Variants in IL34 observed in about 807,000 individuals in gnomAD.
IL34 encodes the protein interleukin 34, also known as interleukin-34.
IL34 carries 17 observed loss-of-function variants against 25.3 expected under a neutral mutation model. That is an observed-to-expected ratio of 0.67 (90% CI 0.46 to 1.01). The LOEUF (loss-of-function observed/expected upper bound fraction) is 1.01. Ranked by LOEUF, IL34 falls within the 50% of genes least tolerant of loss-of-function variation. IL34 has a pLI of 0.00. For missense variants in IL34, 368 were observed against 312.9 expected (o/e 1.18, Z -1.33); for synonymous variants, 174 against 140.9 (o/e 1.23, Z -1.66).
At chr16:70,625,291 G>A (rs1389990396) in intron 1 of IL34, among the ~76,000 whole-genome samples, 3 of 151,970 alleles carry the variant, frequency 2.0e-5, no homozygotes, top group South Asian at 4.1e-4. Context: ...GAGATATGGA[G>A]GGAAGGGGTT....
rs375342666 is a variant in IL34 at position 70,590,143 on chromosome 16, T to C, written c.-401+10094T>C. 1.1e-3 allele frequency among the ~76,000 whole-genome samples: 161 copies of C among 152,280 alleles called. 1 individual carries two copies. Among genetic ancestry groups the C allele is most frequent in the African/African-American group, 3.4e-3 (142 of 41,568 alleles). On this transcript the variant is annotated intron_variant, in intron 1 of 6. Transcript: ENST00000429149. ...AGTCATTACTCCATTCAGCAGAAGC[T>C]GCTCACGGCGGGAGAGGGCTGGGGT...
At chr16:70,599,293 C>CTTTCA (rs113794220) in intron 1 of IL34, among the ~76,000 whole-genome samples, 1 of 132,702 alleles carries the variant, frequency 7.5e-6, no homozygotes, top group African/African-American at 3.0e-5. Context: ...TTCTTTCTTT[C>CTTTCA]TTCTTTCTTT....
chr16:70,611,507 G>A (rs2051091052), intron 1 of IL34, among the ~76,000 whole-genome samples: 2 of 152,114 alleles, frequency 1.3e-5, no homozygotes, highest in African/African-American at 4.8e-5. Flanking sequence ...ACAGCCTTCG[G>A]GCTGGGTGCA....
upstream of IL34, among the ~76,000 whole-genome samples, chr16:70,645,605 C>A (rs1275659822): frequency 2.0e-5 from 3 of 152,202 alleles, no homozygotes; most frequent in Non-Finnish European, 4.4e-5. Flanking sequence ...TTGGGAGCAG[C>A]CACCAGCCCA....
At chr16:70,589,968 C>T (rs983811504) in intron 1 of IL34, among the ~76,000 whole-genome samples, 2 of 152,192 alleles carry the variant, frequency 1.3e-5, no homozygotes, top group African/African-American at 4.8e-5. Flanking sequence ...AGATCCTTTA[C>T]AGGGTTCGTG....
intron 1 of IL34, among the ~76,000 whole-genome samples, chr16:70,599,012 C>T (rs1299523320): frequency 6.6e-6 from 1 of 152,164 alleles, no homozygotes; most frequent in Admixed American, 6.5e-5. Context: ...TTATCACTAA[C>T]CTTGTAAGAT....
chr16:70,638,574 A>G (rs1237856567), intron 1 of IL34, among the ~76,000 whole-genome samples: 1 of 151,990 alleles, frequency 6.6e-6, no homozygotes. Context: ...CAATATCTGC[A>G]TATGCTTTCC....
chr16:70,657,492 G>C (rs1171541060), intron 4 of IL34: 3 of 195,218 alleles, frequency 1.5e-5, no homozygotes, highest in Non-Finnish European at 3.1e-5. Context: ...GGAATGTTTA[G>C]GGCAGTAAAA....
intron 1 of IL34, among the ~76,000 whole-genome samples, chr16:70,612,704 C>G (rs1245765858): frequency 2.0e-5 from 3 of 152,186 alleles, no homozygotes; most frequent in Admixed American, 6.5e-5. Context: ...AAATCTGGAG[C>G]CTTTGGGGCT....
rs138405744 is a variant in IL34, at chr16:70,636,937, T to A, written c.-400-9611T>A. Reference sequence around the variant, plus strand: ...TTCTGTCGCCCAGGTTGGAGTACAGTGGCGTAATCTCGGCTCACTGCAAGT... The same window carrying A: ...TTCTGTCGCCCAGGTTGGAGTACAGAGGCGTAATCTCGGCTCACTGCAAGT... On this transcript the variant is annotated intron_variant, in intron 1 of 6. Transcript: ENST00000429149. Among the ~76,000 whole-genome samples the A allele has an allele frequency of 6.0e-3, 907 of 152,144 alleles. 8 individuals are homozygous for A. Among genetic ancestry groups the A allele is most frequent in the Middle Eastern group, 0.017 (5 of 294 alleles).
intron 1 of IL34, among the ~76,000 whole-genome samples, chr16:70,627,373 C>T (rs1327563388): frequency 1.6e-4 from 25 of 151,998 alleles, no homozygotes; most frequent in Admixed American, 1.6e-3. Context: ...AGAAGCCCCC[C>T]ACCAGATCCC....
rs534351643 is a variant in IL34 at position 70,617,483 on chromosome 16, G to A, written c.-400-29065G>A. Among the ~76,000 whole-genome samples the A allele has an allele frequency of 1.4e-3, 217 of 152,076 alleles. 4 individuals are homozygous for A. Among genetic ancestry groups the A allele is most frequent in the African/African-American group, 4.7e-3 (196 of 41,470 alleles). On this transcript the variant is annotated intron_variant, in intron 1 of 6. Coordinates refer to the IL34 transcript ENST00000429149. ...AGACAGAAGATAGTAGGGATGACAA[G>A]TTTTTTTGGGGCACAGTCTAAGTTG...
At chr16:70,637,597 G>C (rs964914549) in intron 1 of IL34, among the ~76,000 whole-genome samples, 1 of 151,964 alleles carries the variant, frequency 6.6e-6, no homozygotes, top group East Asian at 1.9e-4. Context: ...GCCCCCCCTC[G>C]ACCTCCCAAA....
chr16:70,646,597 T>A lies in IL34; in HGVS notation c.-351T>A, dbSNP rs1352960393. On this transcript the variant is annotated 5_prime_UTR_variant, in exon 1 of 6. Coordinates refer to ENST00000288098, the MANE Select transcript of IL34 (RefSeq NM_001393494.1). ...GCAGTCGGAGAAATCAGAGAAAGCG[T>A]CACCCAGCCCCAGATTCCGAGGGGC... is the stretch of plus-strand genomic sequence containing the variant. The A allele has an allele frequency of 3.0e-6, 1 of 333,128 alleles. No homozygotes were observed. The highest frequency in any genetic ancestry group is 5.4e-6 in the Non-Finnish European group (1 of 184,586). The allele number at this position is 333,128 out of a possible 1,614,324, so 20.6% of individuals were successfully genotyped here. A position where few individuals can be genotyped will look rare whatever the true frequency, so the allele number is the denominator to read the frequency against.
intron 1 of IL34, among the ~76,000 whole-genome samples, chr16:70,593,172 G>A (rs1040075337): frequency 5.3e-5 from 8 of 152,018 alleles, no homozygotes; most frequent in Non-Finnish European, 1.2e-4. Flanking sequence ...TTATTGTTGA[G>A]TTTTAAGAGT....
At chr16:70,582,798 C>A (rs951194727) in intron 1 of IL34, among the ~76,000 whole-genome samples, 3 of 152,242 alleles carry the variant, frequency 2.0e-5, no homozygotes, top group African/African-American at 7.2e-5. Context: ...GCTGTTGACA[C>A]AGGCACACTG....
chr16:70,659,832 G>C (rs1024247692), intron 5 of IL34, 79 bp downstream of exon 5: 6 of 1,529,188 alleles, frequency 3.9e-6, no homozygotes, highest in South Asian at 3.8e-5. Context: ...GGCAGAGCTG[G>C]CGTCCTCCCG....
At chr16:70,584,904 T>C (rs1173281412) in intron 1 of IL34, among the ~76,000 whole-genome samples, 1 of 152,178 alleles carries the variant, frequency 6.6e-6, no homozygotes, top group Non-Finnish European at 1.5e-5. Flanking sequence ...TTTCACCATG[T>C]TGGCCAGGCT....
intron 1 of IL34, among the ~76,000 whole-genome samples, chr16:70,591,064 G>A (rs928063779): frequency 2.0e-5 from 3 of 152,248 alleles, no homozygotes; most frequent in East Asian, 1.9e-4. Flanking sequence ...CATGCCAAGC[G>A]AGACTGGGAG....
Sources: allele counts gnomAD v4.1 joint callset (sites outside exome capture counted in the v4.1 genomes callset), GRCh38; gene constraint gnomAD v4.1.1; transcripts MANE v1.5; gene names NCBI Gene and HGNC (gene_info 2026-07-23, HGNC 2026-07-21).